SCAPER: variants seen among roughly 807,000 people sequenced by gnomAD.
SCAPER encodes the protein S-phase cyclin A associated protein in the ER.
SCAPER carries 98 observed loss-of-function variants against 182.2 expected under a neutral mutation model. That is an observed-to-expected ratio of 0.54 (90% CI 0.46 to 0.64). SCAPER has a LOEUF of 0.64. Ranked by LOEUF, SCAPER falls within the 30% of genes least tolerant of loss-of-function variation. SCAPER has a pLI of 0.00. For missense variants in SCAPER, 1,432 were observed against 1,690.0 expected, an observed-to-expected ratio of 0.85 and a Z score of 2.68; for synonymous variants, 605 against 564.6, an observed-to-expected ratio of 1.07 and a Z score of -1.01.
intron 20 of SCAPER, among the ~76,000 whole-genome samples, chr15:76,684,490 T>G (rs2057915093): frequency 6.6e-6 from 1 of 151,942 alleles, no homozygotes; most frequent in Admixed American, 6.6e-5. Context: ...CCATAGTAAT[T>G]GAAAATTTAA....
chr15:76,798,434 C>T (rs1277011294), intron 7 of SCAPER, among the ~76,000 whole-genome samples: 1 of 145,908 alleles, frequency 6.9e-6, no homozygotes, highest in Non-Finnish European at 1.5e-5. Context: ...ATCAAGAGTA[C>T]AAACGTGTAC....
chr15:76,649,783 C>T (rs1016083159), intron 21 of SCAPER, among the ~76,000 whole-genome samples: 8 of 151,014 alleles, frequency 5.3e-5, no homozygotes, highest in Admixed American at 1.3e-4. Flanking sequence ...AAATTTCATT[C>T]AAAAATAAAG....
intron 26 of SCAPER, among the ~76,000 whole-genome samples, chr15:76,419,195 C>A (rs763354567): frequency 3.0e-4 from 46 of 152,190 alleles, no homozygotes; most frequent in Admixed American, 6.5e-4. Context: ...AGCCAACACA[C>A]GGTACCCAAC....
chr15:76,537,800 A>G (rs1364866875), intron 23 of SCAPER, among the ~76,000 whole-genome samples: 3 of 152,182 alleles, frequency 2.0e-5, no homozygotes, highest in Non-Finnish European at 2.9e-5. Flanking sequence ...AATGGGAGAA[A>G]ATTTTTGCAA....
chr15:76,733,141 G>A, intron 16 of SCAPER, 88 bp downstream of exon 16: 1 of 1,172,974 alleles, frequency 8.5e-7, no homozygotes, highest in Non-Finnish European at 1.2e-6. Context: ...CTCCGCACAT[G>A]GGGAGAAAAA....
chr15:76,792,853 T>C (rs962130273), intron 8 of SCAPER, among the ~76,000 whole-genome samples: 1 of 152,354 alleles, frequency 6.6e-6, no homozygotes, highest in Admixed American at 6.5e-5. Context: ...ACTCAAACAA[T>C]TATGTGGAAA....
intron 17 of SCAPER, among the ~76,000 whole-genome samples, chr15:76,717,934 T>C (rs1031024368): frequency 2.6e-5 from 4 of 152,162 alleles, no homozygotes; most frequent in African/African-American, 7.2e-5. Flanking sequence ...CAAATGGACC[T>C]AATATACATA....
intron 4 of SCAPER, 89 bp from the exon 5 acceptor site, chr15:76,842,020 C>A: frequency 2.7e-6 from 3 of 1,105,146 alleles, no homozygotes; most frequent in Non-Finnish European, 2.6e-6. Context: ...AACTACAAAT[C>A]AAAACTACTC....
At chr15:76,425,865 T>C (rs2046388805) in intron 26 of SCAPER, among the ~76,000 whole-genome samples, 1 of 152,220 alleles carries the variant, frequency 6.6e-6, no homozygotes, top group Non-Finnish European at 1.5e-5. Context: ...CTGTTGGAGT[T>C]TCCTCAGGTC....
chr15:76,429,563 A>T (rs1187368082), intron 26 of SCAPER, among the ~76,000 whole-genome samples: 1 of 152,174 alleles, frequency 6.6e-6, no homozygotes, highest in Non-Finnish European at 1.5e-5. Flanking sequence ...GTGTTTTAGC[A>T]AAGAGACTGG....
chr15:76,351,097 T>G (rs904683001), intron 31 of SCAPER, 140 bp downstream of exon 31: 10 of 628,448 alleles, frequency 1.6e-5, no homozygotes, highest in Non-Finnish European at 2.6e-5. Context: ...CTTACTGAAA[T>G]ATACTTGGTA....
intron 27 of SCAPER, 41 bp from the exon 28 acceptor site, chr15:76,381,656 A>G (rs1179731047): frequency 2.0e-6 from 3 of 1,467,122 alleles, no homozygotes; most frequent in Non-Finnish European, 2.8e-6. Flanking sequence ...AAACTACTTA[A>G]TGGATGTTAG....
intron 8 of SCAPER, among the ~76,000 whole-genome samples, chr15:76,779,951 C>T (rs1047913241): frequency 6.6e-6 from 1 of 152,232 alleles, no homozygotes; most frequent in Non-Finnish European, 1.5e-5. Flanking sequence ...CAGTCTGCAG[C>T]TCCCAGCGTG....
chr15:76,445,897 G>A (rs767824586), intron 25 of SCAPER, among the ~76,000 whole-genome samples: 71 of 152,300 alleles, frequency 4.7e-4, no homozygotes, highest in Middle Eastern at 3.4e-3. Context: ...AAGGGATGGC[G>A]AGAGGGGCGT....
intron 22 of SCAPER, among the ~76,000 whole-genome samples, chr15:76,579,745 C>G (rs2048131473): frequency 6.6e-6 from 1 of 152,038 alleles, no homozygotes; most frequent in Non-Finnish European, 1.5e-5. Context: ...TGGATTAAAA[C>G]AAGAAGATCC....
At chr15:76,794,103 G>A (rs566266831) in intron 8 of SCAPER, among the ~76,000 whole-genome samples, 8 of 152,248 alleles carry the variant, frequency 5.3e-5, no homozygotes, top group Admixed American at 3.3e-4. Flanking sequence ...GGCATAACTC[G>A]CTGTGTATAA....
At chr15:76,400,834 G>C (rs1158039472) in intron 27 of SCAPER, among the ~76,000 whole-genome samples, 1 of 151,946 alleles carries the variant, frequency 6.6e-6, no homozygotes, top group Non-Finnish European at 1.5e-5. Flanking sequence ...ACCATCAAGA[G>C]TAAATCACTG....
chr15:76,434,079 T>C lies in SCAPER; in HGVS notation c.3310A>G (p.Ser1104Gly). The change falls in exon 26 of 32, where the codon AGC (serine) becomes GGC (glycine). Residue 1104 changes from serine to glycine, a missense_variant and splice_region_variant. By Grantham distance (56) the Ser-to-Gly change is moderately conservative. Around this residue, in one of 5 missense-constraint regions of SCAPER, gnomAD observed 718 missense variants for 799.7 expected, o/e 0.90. Coordinates refer to ENST00000563290, the MANE Select transcript of SCAPER (RefSeq NM_020843.4). The part of the protein sequence containing the change: ...PFNNRVQDLI[S>G]YVVNMGLIDK... Reference sequence around the variant, plus strand: ...TTTTAAGAACTCTAGCAATTTTACCTGATAAGGTCCTGAACTCGATTGTTA... The same window carrying C: ...TTTTAAGAACTCTAGCAATTTTACCCGATAAGGTCCTGAACTCGATTGTTA... The C allele has an allele frequency of 6.2e-7, 1 of 1,607,792 alleles. No individual in the cohort carries two copies. Among genetic ancestry groups the C allele is most frequent in the Non-Finnish European group, 8.5e-7 (1 of 1,176,354 alleles).
intron 24 of SCAPER, chr15:76,472,189 C>A (rs764724781): frequency 2.0e-5 from 10 of 498,788 alleles, no homozygotes; most frequent in Non-Finnish European, 3.5e-5. Context: ...TCTGCTTAAC[C>A]TGCTCCTCCA....
Sources: gnomAD v4.1 joint callset for allele counts (sites outside exome capture counted in the v4.1 genomes callset) on GRCh38, gnomAD v4.1.1 for gene constraint, gnomAD v4.1.1 regional missense constraint, MANE v1.5 for transcripts, NCBI Gene and HGNC (gene_info 2026-07-23, HGNC 2026-07-21) for gene names.